Variants in NRXN2 observed in about 807,000 individuals in gnomAD.
The protein encoded by NRXN2 is neurexin-2-beta.
Under a neutral mutation model 128.8 loss-of-function variants are expected in NRXN2, and 29 were observed. The observed-to-expected ratio is 0.23, with a 90% CI of 0.17 to 0.31. The LOEUF (loss-of-function observed/expected upper bound fraction) is 0.31. NRXN2 is among the 10% of genes least tolerant of loss of function. NRXN2 has a pLI of 1.00. For synonymous variants in NRXN2, 1,098 were observed against 1,075.2 expected (o/e 1.02, Z -0.41); for missense variants, 1,881 against 2,452.6 (o/e 0.77, Z 4.92).
Position 64,632,393 on chromosome 11 carries a change from C to G in NRXN2, c.3586-1820G>C, listed in dbSNP as rs866678328. Among the ~76,000 whole-genome samples, 1 of 152,232 alleles carries G rather than the reference C, an allele frequency of 6.6e-6. No homozygotes were observed. The highest frequency in any genetic ancestry group is 6.5e-5 in the Admixed American group (1 of 15,294). ...ACAAAGAGTATTAGCAAGCCCCACC[C>G]ATTCACCACCCACAGACTGACAACA... On this transcript the variant is annotated intron_variant, in intron 18 of 22. Coordinates refer to ENST00000265459, the MANE Select transcript of NRXN2 (RefSeq NM_015080.4). This position sits in a 1 kb window ranked among gnomAD's most constrained non-coding sequence, Gnocchi z 4.2.
At chr11:64,664,187 T>C (rs753998984) in intron 9 of NRXN2, among the ~76,000 whole-genome samples, 2 of 152,142 alleles carry the variant, frequency 1.3e-5, no homozygotes, top group Non-Finnish European at 2.9e-5. Flanking sequence ...TTAAAAATGG[T>C]TATGATGGGC....
chr11:64,626,380 C>A (rs777629094), intron 20 of NRXN2, 83 bp downstream of exon 20: 3 of 1,149,052 alleles, frequency 2.6e-6, no homozygotes, highest in Non-Finnish European at 3.8e-6. Flanking sequence ...GGTGAAGGCA[C>A]GGAGGGGGAA....
chr11:64,652,116 T>C lies in NRXN2; in HGVS notation c.2455A>G (p.Asn819Asp). ...CTCACCGTGTGCCACTCATTGTCAT[T>C]GAGCTTGTGCCCCGCAAACAGCGTT... ...PETLFAGHKL[N>D]DNEWHTVRVV... The change falls in exon 13 of 23, where the codon AAT (asparagine) becomes GAT (aspartate). Residue 819 changes from asparagine to aspartate, a missense_variant. By Grantham distance (23) the Asn-to-Asp change is conservative. This residue lies in a region of NRXN2 where 997 missense variants were observed against 1,240.8 expected (regional missense o/e 0.80). Coordinates refer to ENST00000265459, the MANE Select transcript of NRXN2 (RefSeq NM_015080.4). The C allele has an allele frequency of 6.2e-7, 1 of 1,613,442 alleles. No homozygotes were observed.
At position 64,669,879 on chromosome 11, in the gene NRXN2, C is replaced by T. The variant is rs1379786326; in HGVS notation, c.1198-1275G>A. ...TAGCCCAACACTGTGCTTCTGCAGG[C>T]CACAGCTCACCCCATTTCTCTTTCG... On this transcript the variant is annotated intron_variant, in intron 7 of 22. Transcript: ENST00000265459. Among the ~76,000 whole-genome samples, 7 of 152,322 alleles carry T rather than the reference C, an allele frequency of 4.6e-5. No homozygotes were observed. In the East Asian group the frequency reaches 9.7e-4, roughly 21 times the overall value.
Position 64,633,712 on chromosome 11 carries a change from C to T in NRXN2, c.3585+1559G>A, listed in dbSNP as rs373166170. Among the ~76,000 whole-genome samples, 6 of 152,278 alleles carry T rather than the reference C, an allele frequency of 3.9e-5. No homozygotes were observed. The East Asian group carries it at 9.6e-4, about 24-fold the overall frequency. ...AGATCCAGTCTCTGTCTTCATCCCCCACTGTCACAGCCGTCACTCCTGACA... is the reference window on the plus strand; with the variant it reads ...AGATCCAGTCTCTGTCTTCATCCCCTACTGTCACAGCCGTCACTCCTGACA... On this transcript the variant is annotated intron_variant, in intron 18 of 22. Transcript: ENST00000265459.
chr11:64,632,252 C>T lies in NRXN2; in HGVS notation c.3586-1679G>A, dbSNP rs1795113453. ...TCCTTCTCAGAACCTGGGAAAACCA[C>T]ATACATATATGCATGCATGCACGCT... On this transcript the variant is annotated intron_variant, in intron 18 of 22. Coordinates refer to ENST00000265459, the MANE Select transcript of NRXN2 (RefSeq NM_015080.4). This position sits in a 1 kb window ranked among gnomAD's most constrained non-coding sequence, Gnocchi z 4.2. Among the ~76,000 whole-genome samples the T allele has an allele frequency of 6.6e-6, 1 of 152,206 alleles. No individual in the cohort carries two copies. Among genetic ancestry groups the T allele is most frequent in the Admixed American group, 6.5e-5 (1 of 15,280 alleles).
chr11:64,635,576 C>A lies in NRXN2; in HGVS notation c.3404-124G>T. The A allele has an allele frequency of 2.8e-6, 3 of 1,074,128 alleles. No homozygotes were observed. The highest frequency in any genetic ancestry group is 2.8e-6 in the Non-Finnish European group (2 of 725,358). 66.5% of individuals were successfully genotyped at this position (1,074,128 alleles called of 1,614,324 possible). A position where few individuals can be genotyped will look rare whatever the true frequency, so the allele number is the denominator to read the frequency against. ...TAGATGTGGGACTTCAGCTGTGATA[C>A]CCACAGCAGCCACCAGCCCTGCCAC... On this transcript the variant is annotated intron_variant, in intron 17 of 22. Coordinates refer to ENST00000265459, the MANE Select transcript of NRXN2 (RefSeq NM_015080.4). This position sits in a 1 kb window ranked among gnomAD's most constrained non-coding sequence, Gnocchi z 4.8.
intron 22 of NRXN2, among the ~76,000 whole-genome samples, chr11:64,615,157 C>A (rs902273929): frequency 1.3e-5 from 2 of 152,264 alleles, no homozygotes; most frequent in African/African-American, 2.4e-5. Context: ...GCCTCTCCCA[C>A]GGCTGGCCCA....
At position 64,685,670 on chromosome 11, in the gene NRXN2, G is replaced by T; in HGVS notation, c.1128C>A (p.Val376=). The T allele has an allele frequency of 6.2e-7, 1 of 1,614,192 alleles. No homozygotes were observed. The highest frequency in any genetic ancestry group is 8.5e-7 in the Non-Finnish European group (1 of 1,180,048). ...GKFNDNAWHD[V]RVTRNLRQHA... ...CCTGGCGCAGGTTTCGGGTGACCCG[G>T]ACGTCGTGCCAGGCGTTGTCGTTGA... The change falls in exon 6 of 23, where the codon GTC becomes GTA. Residue 376 remains valine, a synonymous_variant. Transcript: ENST00000265459.
In NRXN2 at chr11:64,661,097, G is replaced by C. The variant is rs975144601; in HGVS notation, c.1841C>G (p.Thr614Ser). Residue 614 changes from threonine (T) to serine (S), a missense_variant, in exon 10 of 23, where the codon ACT becomes AGT. By Grantham distance (58) the Thr-to-Ser change is moderately conservative (BLOSUM62 1). Transcript: ENST00000265459. Reference protein sequence around the residue: ...VNSRSTPFLATGDSEILDLES... With the variant: ...VNSRSTPFLASGDSEILDLES... ...CAGGTCCAGAATCTCGCTGTCTCCA[G>C]TGGCCAAGAACGGCGTGCTGCGACT... is the stretch of plus-strand genomic sequence containing the variant. 28 of 1,613,492 alleles carry C rather than the reference G, an allele frequency of 1.7e-5. No individual in the cohort carries two copies. The highest frequency in any genetic ancestry group is 2.3e-5 in the Non-Finnish European group (27 of 1,180,038).
At chr11:64,652,309 C>G (rs1353800875) in intron 12 of NRXN2, among the ~76,000 whole-genome samples, 155 bp from the exon 13 acceptor site, 1 of 152,136 alleles carries the variant, frequency 6.6e-6, no homozygotes, top group Admixed American at 6.5e-5. Flanking sequence ...ACGCAACACA[C>G]CCATGAATAC....
At chr11:64,686,261 C>T (rs1383452970) in intron 5 of NRXN2, among the ~76,000 whole-genome samples, 2 of 152,154 alleles carry the variant, frequency 1.3e-5, no homozygotes, top group Non-Finnish European at 2.9e-5. Context: ...TCACTGTCTC[C>T]TCCCCACCAA....
chr11:64,716,177 C>T (rs79186158), intron 1 of NRXN2, among the ~76,000 whole-genome samples: 7,661 of 152,272 alleles, frequency 0.05, 247 homozygotes, highest in Non-Finnish European at 0.069. Context: ...CCTCCGGACA[C>T]TATTTTGGGG....
rs2057190268 is a variant in NRXN2 at position 64,713,891 on chromosome 11, C to A, written c.-192G>T. ...GATGCCGGCTTCCCTCAGGCGGCGG[C>A]GGCGGCGCCCCTCCCCCGCCGCGGG... is the stretch of plus-strand genomic sequence containing the variant. On this transcript the variant is annotated 5_prime_UTR_variant, in exon 2 of 23. Coordinates refer to ENST00000265459, the MANE Select transcript of NRXN2 (RefSeq NM_015080.4). 5.5e-6 allele frequency: 1 copy of A among 180,640 alleles called. No homozygotes were observed. The highest frequency in any genetic ancestry group is 2.4e-5 in the African/African-American group (1 of 41,942). The allele number at this position is 180,640 out of a possible 1,614,324, so 11.2% of individuals were successfully genotyped here.
chr11:64,614,300 G>A (rs1279823016), intron 22 of NRXN2, among the ~76,000 whole-genome samples: 1 of 152,206 alleles, frequency 6.6e-6, no homozygotes, highest in Non-Finnish European at 1.5e-5. Context: ...AATCACCACT[G>A]TATTAAGAGA....
chr11:64,687,785 G>C (rs1393338464), intron 5 of NRXN2, among the ~76,000 whole-genome samples: 1 of 152,214 alleles, frequency 6.6e-6, no homozygotes, highest in East Asian at 1.9e-4. Flanking sequence ...AAGAAAAGGA[G>C]CAAGCCCTGC....
chr11:64,691,535 G>A (rs1308115490), intron 4 of NRXN2, among the ~76,000 whole-genome samples: 1 of 152,176 alleles, frequency 6.6e-6, no homozygotes, highest in Non-Finnish European at 1.5e-5. Flanking sequence ...TTCAACCCCA[G>A]TTGCAAATCC....
rs370933615 is a variant in NRXN2 at position 64,607,251 on chromosome 11, G to A, written c.5084C>T (p.Ala1695Val). The change falls in exon 23 of 23, where the codon GCC (alanine) becomes GTC (valine). Residue 1695 changes from alanine to valine, a missense_variant. Physicochemically the swap from Ala to Val is moderately conservative, Grantham distance 64. Transcript: ENST00000265459. Reference sequence around the variant, plus strand: ...CTTGGCCTTGCTGGGCGTCTTGGGGGCAGCCGGGGCCTTCTCTTTCACCAC... The same window carrying A: ...CTTGGCCTTGCTGGGCGTCTTGGGGACAGCCGGGGCCTTCTCTTTCACCAC... ...GAVVKEKAPA[A>V]PKTPSKAKKN... 3.1e-6 allele frequency: 5 copies of A among 1,613,958 alleles called. No homozygotes were observed. Among genetic ancestry groups the A allele is most frequent in the Non-Finnish European group, 4.2e-6 (5 of 1,179,946 alleles).
intron 11 of NRXN2, among the ~76,000 whole-genome samples, chr11:64,656,434 G>A (rs1004623791): frequency 2.6e-4 from 23 of 89,216 alleles, no homozygotes; most frequent in African/African-American, 1.7e-3. Flanking sequence ...AATTTCAGAA[G>A]GGCAGGGTGA....
Sources: allele counts gnomAD v4.1 joint callset (sites outside exome capture counted in the v4.1 genomes callset), GRCh38; gene constraint gnomAD v4.1.1; regional missense constraint gnomAD v4.1.1; non-coding constraint Gnocchi (gnomAD v3.1); transcripts MANE v1.5; gene names NCBI Gene and HGNC (gene_info 2026-07-23, HGNC 2026-07-21).